NKAIN4: variants seen among roughly 807,000 people sequenced by gnomAD.
NKAIN4 encodes the protein sodium/potassium transporting ATPase interacting 4.
NKAIN4 carries 28 observed loss-of-function variants against 28.8 expected under a neutral mutation model. That is an observed-to-expected ratio of 0.97 (90% CI 0.72 to 1.33). The LOEUF (loss-of-function observed/expected upper bound fraction) is 1.33, where lower values mean the gene tolerates loss of function less well. Among genes scored for constraint, NKAIN4 ranks in the 40% most tolerant of loss-of-function variants. NKAIN4 has a pLI of 0.00. For synonymous variants in NKAIN4, 122 were observed against 115.6 expected (o/e 1.06, Z -0.36); for missense variants, 289 against 277.2 (o/e 1.04, Z -0.30).
intron 5 of NKAIN4, 122 bp downstream of exon 5, chr20:63,243,902 G>A (rs1232807871): frequency 6.5e-6 from 5 of 774,478 alleles, no homozygotes; most frequent in Non-Finnish European, 8.6e-6. Flanking sequence ...GCAAGGCCCT[G>A]CTGGGCGTGA....
chr20:63,247,336 G>C, intron 4 of NKAIN4: 2 of 1,469,026 alleles, frequency 1.4e-6, no homozygotes, highest in East Asian at 2.6e-5. Flanking sequence ...CGCTCAACTT[G>C]AGAAAGCGCC....
At chr20:63,242,316 G>C (rs2066769603) in intron 6 of NKAIN4, among the ~76,000 whole-genome samples, 1 of 152,186 alleles carries the variant, frequency 6.6e-6, no homozygotes, top group African/African-American at 2.4e-5. Flanking sequence ...GCTGGGCTCT[G>C]AGCTTCTGGG....
intron 2 of NKAIN4, chr20:63,249,259 A>G (rs1247182950): frequency 3.7e-6 from 1 of 271,826 alleles, no homozygotes; most frequent in African/African-American, 2.2e-5. Context: ...AGAGCACCCC[A>G]GAAGCCACCC....
chr20:63,243,254 T>C (rs1008428949), intron 5 of NKAIN4, among the ~76,000 whole-genome samples: 1 of 152,036 alleles, frequency 6.6e-6, no homozygotes, highest in African/African-American at 2.4e-5. Context: ...TGCTGGGCGC[T>C]GGGGACCGAG....
rs534574638 is a variant in NKAIN4 at position 63,245,843 on chromosome 20, A to G, written c.471+1735T>C. On this transcript the variant is annotated intron_variant, in intron 4 of 6. Coordinates refer to ENST00000370316, the MANE Select transcript of NKAIN4 (RefSeq NM_152864.4). This position sits in a 1 kb window ranked among gnomAD's most constrained non-coding sequence, Gnocchi z 4.7. ...GCCAACAGGAGGCCCCATCTCCCCA[A>G]CCATGCAGAGTGCCCACTCCTCCAG... Among the ~76,000 whole-genome samples the G allele has an allele frequency of 5.9e-5, 9 of 151,644 alleles. No homozygotes were observed. The highest frequency in any genetic ancestry group is 5.8e-4 in the East Asian group (3 of 5,154).
At chr20:63,249,199 C>T in intron 2 of NKAIN4, 2 of 405,428 alleles carry the variant, frequency 4.9e-6, no homozygotes, top group Non-Finnish European at 9.4e-6. Context: ...GTGACCTGTC[C>T]TCGCCTCACC....
rs1315959493 is a variant in NKAIN4, at chr20:63,254,421, G to A, written c.30C>T (p.Leu10=). The A allele has an allele frequency of 1.1e-5, 16 of 1,443,330 alleles. No homozygotes were observed. The highest frequency in any genetic ancestry group is 2.5e-5 in the Admixed American group (1 of 39,256). The allele number at this position is 1,443,330 out of a possible 1,614,324, so 89.4% of individuals were successfully genotyped here. MGSCSGRCA[L]VVLCAFQLVA... ...CCAGCTGAAAAGCGCAGAGGACGAC[G>A]AGCGCGCAGCGGCCGGAGCAGGAGC... The change falls in exon 1 of 7, where the codon CTC becomes CTT. Residue 10 remains leucine, a synonymous_variant. Transcript: ENST00000370316.
At chr20:63,247,483 T>C in intron 4 of NKAIN4, 95 bp downstream of exon 4, 1 of 1,547,212 alleles carries the variant, frequency 6.5e-7, no homozygotes, top group Non-Finnish European at 8.7e-7. Flanking sequence ...TGAGGCCAGG[T>C]CAGCTGGCCC....
In NKAIN4 at chr20:63,252,319, A is replaced by G. The variant is rs553913600; in HGVS notation, c.54+2078T>C. ...GCTCCCAGGGTCTCCTCAATGCAGC[A>G]GGGCAGAGCCTGGGAATTGGACGCA... On this transcript the variant is annotated intron_variant, in intron 1 of 6. Coordinates refer to ENST00000370316, the MANE Select transcript of NKAIN4 (RefSeq NM_152864.4). The surrounding 1 kb of genome is among the most constrained non-coding windows in gnomAD (Gnocchi z 4.6). 6.6e-6 allele frequency among the ~76,000 whole-genome samples: 1 copy of G among 152,260 alleles called. No homozygotes were observed. Among genetic ancestry groups the G allele is most frequent in the Non-Finnish European group, 1.5e-5 (1 of 68,000 alleles).
chr20:63,253,752 C>G (rs181345093), intron 1 of NKAIN4, among the ~76,000 whole-genome samples: 1 of 152,166 alleles, frequency 6.6e-6, no homozygotes, highest in Admixed American at 6.5e-5. Flanking sequence ...CGACCAATCC[C>G]GACACCGAAG....
At chr20:63,254,829 CTGCTCCCGCCG>C (rs2067022813), upstream of NKAIN4, 1 of 185,790 alleles carries the variant, frequency 5.4e-6, no homozygotes, top group Non-Finnish European at 1.1e-5. Context: ...TGCCCAGCAC[CTGCTCCCGCCG>C]TGCGCCCTCC....
At position 63,246,595 on chromosome 20, in the gene NKAIN4, A is replaced by T. The variant is rs1266518073; in HGVS notation, c.471+983T>A. ...CAGCTCCCACCGCCAGCCGCCGGCC[A>T]TGGAGCCTCGCTCCTGGAAGCCCCA... is the stretch of plus-strand genomic sequence containing the variant. On this transcript the variant is annotated intron_variant, in intron 4 of 6. Coordinates refer to ENST00000370316, the MANE Select transcript of NKAIN4 (RefSeq NM_152864.4). The T allele has an allele frequency of 2.4e-5, 24 of 985,264 alleles. No individual in the cohort carries two copies. In the Admixed American group the frequency reaches 1.3e-3, roughly 53 times the overall value. The allele number at this position is 985,264 out of a possible 1,614,324, so 61.0% of individuals were successfully genotyped here.
chr20:63,250,331 C>T (rs1352757321), intron 1 of NKAIN4, among the ~76,000 whole-genome samples: 3 of 152,220 alleles, frequency 2.0e-5, no homozygotes, highest in South Asian at 4.1e-4. Context: ...CTTGTGTCCC[C>T]GTGTGTCACC....
At chr20:63,242,710 G>A in intron 5 of NKAIN4, 87 bp from the exon 6 acceptor site, 2 of 780,032 alleles carry the variant, frequency 2.6e-6, no homozygotes, top group Non-Finnish European at 4.0e-6. Context: ...AGACAAAGAA[G>A]CCCAAGGGGT....
chr20:63,241,501 G>A lies in NKAIN4; in HGVS notation c.623C>T (p.Ala208Val), dbSNP rs750109793. ...CAGGATCAGCTGTTTCCTCACTTAC[G>A]CAGGCCTGTGGGGACAAGGTCAGAG... ...SLLSKQVYLP[A>V] The change falls in exon 7 of 7, where the codon GCG becomes GTG. Residue 208 changes from alanine to valine, a missense_variant. Ala to Val is a moderately conservative substitution (Grantham distance 64, BLOSUM62 0). Coordinates refer to ENST00000370316, the MANE Select transcript of NKAIN4 (RefSeq NM_152864.4). 2.8e-5 allele frequency: 44 copies of A among 1,550,248 alleles called. No homozygotes were observed. The highest frequency in any genetic ancestry group is 6.8e-5 in the African/African-American group (5 of 72,994).
intron 1 of NKAIN4, among the ~76,000 whole-genome samples, chr20:63,250,695 G>T (rs532797518): frequency 2.0e-5 from 3 of 152,214 alleles, no homozygotes; most frequent in East Asian, 1.9e-4. Flanking sequence ...GAACCAATGA[G>T]GGGGGGAGGG....
At chr20:63,254,673 G>A, upstream of NKAIN4, 1 of 371,516 alleles carries the variant, frequency 2.7e-6, no homozygotes, top group Non-Finnish European at 4.7e-6. Flanking sequence ...CGGCCGGAGA[G>A]GGGGACCGTT....
chr20:63,247,226 G>A, intron 4 of NKAIN4: 2 of 1,209,760 alleles, frequency 1.7e-6, no homozygotes, highest in Non-Finnish European at 2.1e-6. Flanking sequence ...GGATGGGTTT[G>A]TCAGGAAGAT....
At chr20:63,246,287 T>C (rs2066856497) in intron 4 of NKAIN4, among the ~76,000 whole-genome samples, 1 of 151,450 alleles carries the variant, frequency 6.6e-6, no homozygotes, top group South Asian at 2.1e-4. Context: ...ATGTGCACAC[T>C]TGGGAAATTG....
Sources: allele counts gnomAD v4.1 joint callset (sites outside exome capture counted in the v4.1 genomes callset), GRCh38; gene constraint gnomAD v4.1.1; non-coding constraint Gnocchi (gnomAD v3.1); transcripts MANE v1.5; gene names NCBI Gene and HGNC (gene_info 2026-07-23, HGNC 2026-07-21).